The following KLF12 variants were observed in gnomAD, a reference collection of about 807,000 sequenced individuals.
KLF12 encodes the protein Krueppel-like factor 12.
In KLF12, 9 loss-of-function variants were observed where a neutral mutation model predicts 37.8. The ratio of observed to expected loss-of-function variants is 0.24; its 90% CI spans 0.14 to 0.42. The LOEUF is 0.42. Among genes scored for constraint, KLF12 ranks in the 10% least tolerant of loss-of-function variants. The pLI is 1.00. For synonymous variants in KLF12, 208 were observed against 202.1 expected (o/e 1.03, Z -0.25); for missense variants, 411 against 516.0 (o/e 0.80, Z 1.97).
chr13:73,981,781 G>C (rs1471257490), intron 2 of KLF12, among the ~76,000 whole-genome samples: 1 of 152,282 alleles, frequency 6.6e-6, no homozygotes, highest in African/African-American at 2.4e-5. Context: ...AAGAGAAAAT[G>C]CAGCTAAGAG....
intron 1 of KLF12, among the ~76,000 whole-genome samples, chr13:74,125,153 A>AAAG (rs386379759): frequency 1.3e-5 from 2 of 150,456 alleles, no homozygotes; most frequent in East Asian, 3.9e-4. Flanking sequence ...TCAAAAAAAA[A>AAAG]AATATATATA....
chr13:74,046,130 C>G (rs1018181675), intron 1 of KLF12, among the ~76,000 whole-genome samples: 1 of 152,092 alleles, frequency 6.6e-6, no homozygotes, highest in Non-Finnish European at 1.5e-5. Flanking sequence ...TTTCTAAGAA[C>G]TATCTGTGAC....
At chr13:74,229,465 T>C in the KLF12 span, among the ~76,000 whole-genome samples, 1 of 152,306 alleles carries the variant, frequency 6.6e-6, no homozygotes, top group South Asian at 2.1e-4. Flanking sequence ...TGTGCTCAGC[T>C]GCTTGTAAAA....
intron 1 of KLF12, among the ~76,000 whole-genome samples, chr13:74,083,069 T>G (rs1875008861): frequency 6.6e-6 from 1 of 152,148 alleles, no homozygotes; most frequent in Admixed American, 6.5e-5. Flanking sequence ...AACATTGAAA[T>G]GGGTTGGACA....
chr13:73,813,914 T>C (rs1037071053), intron 4 of KLF12, among the ~76,000 whole-genome samples: 3 of 151,492 alleles, frequency 2.0e-5, no homozygotes, highest in Admixed American at 6.6e-5. Flanking sequence ...TTGAACTCTA[T>C]CCTGTTTTAC....
At chr13:74,163,113 AC>A in the KLF12 span, among the ~76,000 whole-genome samples, 1 of 152,110 alleles carries the variant, frequency 6.6e-6, no homozygotes, top group South Asian at 2.1e-4. Context: ...AGAAAAGGTT[AC>A]CCCTGTACGC....
At chr13:73,913,169 A>G (rs547509170) in intron 3 of KLF12, among the ~76,000 whole-genome samples, 1 of 152,176 alleles carries the variant, frequency 6.6e-6, no homozygotes, top group Non-Finnish European at 1.5e-5. Flanking sequence ...TATCAGGCAC[A>G]CAGTGTTTGT....
At chr13:74,018,918 A>T (rs1176457903) in intron 1 of KLF12, among the ~76,000 whole-genome samples, 1 of 152,228 alleles carries the variant, frequency 6.6e-6, no homozygotes, top group Non-Finnish European at 1.5e-5. Flanking sequence ...AAGGCCTATT[A>T]CACTGAAAAG....
the KLF12 span, among the ~76,000 whole-genome samples, chr13:74,303,386 T>C: frequency 6.6e-6 from 1 of 152,136 alleles, no homozygotes; most frequent in African/African-American, 2.4e-5. Context: ...GGGAGTACAC[T>C]ATTCCCAGTA....
At chr13:73,810,984 T>TTC (rs1555308736) in intron 5 of KLF12, among the ~76,000 whole-genome samples, 3 of 113,008 alleles carry the variant, frequency 2.7e-5, no homozygotes, top group Non-Finnish European at 5.4e-5. Flanking sequence ...TTTTCTTTCT[T>TTC]TTTTTTTTTT....
At chr13:74,025,742 T>C (rs1892961890) in intron 1 of KLF12, among the ~76,000 whole-genome samples, 1 of 152,194 alleles carries the variant, frequency 6.6e-6, no homozygotes, top group Non-Finnish European at 1.5e-5. Context: ...CTGTCGTAAA[T>C]ATAATGTAGA....
the KLF12 span, among the ~76,000 whole-genome samples, chr13:74,196,669 C>T: frequency 1.3e-5 from 2 of 152,068 alleles, no homozygotes; most frequent in Non-Finnish European, 2.9e-5. Context: ...CACAGTGCCC[C>T]CTTTAACCAG....
the KLF12 span, among the ~76,000 whole-genome samples, chr13:74,276,272 C>A: frequency 1.3e-5 from 2 of 151,922 alleles, no homozygotes; most frequent in Non-Finnish European, 2.9e-5. Flanking sequence ...AATGATATGC[C>A]TGGCTAATTT....
rs146718214 is a variant in KLF12, at chr13:74,048,424, GT to G, written c.-31-53372del. On this transcript the variant is annotated intron_variant, in intron 1 of 7. Transcript: ENST00000377669. ...CATAATTGCTGTTCTCTCAAGGACT[GT>G]TTTTTTTTTCCCAAAATGAGAACTT... 9.1e-4 allele frequency among the ~76,000 whole-genome samples: 135 copies of G among 148,672 alleles called. No homozygotes were observed. The South Asian group carries it at 0.019, about 21-fold the overall frequency.
At chr13:74,255,091 G>T in the KLF12 span, among the ~76,000 whole-genome samples, 3 of 152,130 alleles carry the variant, frequency 2.0e-5, no homozygotes, top group Non-Finnish European at 2.9e-5. Flanking sequence ...CTAGGATTTA[G>T]TTTTAGAAAT....
chr13:73,969,922 T>C (rs980471181), intron 2 of KLF12, among the ~76,000 whole-genome samples: 1 of 152,184 alleles, frequency 6.6e-6, no homozygotes, highest in African/African-American at 2.4e-5. Context: ...CTACCTATCT[T>C]TTGTTCTTAA....
the KLF12 span, among the ~76,000 whole-genome samples, chr13:74,287,417 A>C: frequency 7.7e-6 from 1 of 129,996 alleles, no homozygotes; most frequent in African/African-American, 2.9e-5. Context: ...TCCACCCCCA[A>C]CCCCAGCCCC....
intron 2 of KLF12, among the ~76,000 whole-genome samples, chr13:73,956,748 C>T (rs1890845847): frequency 6.6e-6 from 1 of 151,656 alleles, no homozygotes; most frequent in African/African-American, 2.4e-5. Context: ...TAGCAAGACC[C>T]CATCTCTACA....
At chr13:74,086,470 G>T (rs911186712) in intron 1 of KLF12, among the ~76,000 whole-genome samples, 2 of 151,980 alleles carry the variant, frequency 1.3e-5, no homozygotes, top group African/African-American at 4.8e-5. Context: ...TGGCTGCATA[G>T]TATTCCACGG....
Sources: allele counts gnomAD v4.1 joint callset (sites outside exome capture counted in the v4.1 genomes callset), GRCh38; gene constraint gnomAD v4.1.1; transcripts MANE v1.5; gene names NCBI Gene and HGNC (gene_info 2026-07-23, HGNC 2026-07-21).